The following SLC24A2 variants were observed in gnomAD, a reference collection of about 807,000 sequenced individuals.
The protein encoded by SLC24A2 is sodium/potassium/calcium exchanger 2.
A neutral mutation model predicts 62.0 loss-of-function variants in SLC24A2; 36 were observed. The ratio of observed to expected loss-of-function variants is 0.58; its 90% CI spans 0.44 to 0.77. The LOEUF (loss-of-function observed/expected upper bound fraction) is 0.77, where lower values mean the gene tolerates loss of function less well. Ranked by LOEUF, SLC24A2 falls within the 30% of genes least tolerant of loss-of-function variation. The pLI is 0.00. For missense variants in SLC24A2, 846 were observed against 817.9 expected (o/e 1.03, Z -0.42); for synonymous variants, 358 against 294.0 (o/e 1.22, Z -2.23).
the SLC24A2 span, among the ~76,000 whole-genome samples, chr9:19,972,382 A>C: frequency 6.6e-6 from 1 of 152,100 alleles, no homozygotes; most frequent in Non-Finnish European, 1.5e-5. Flanking sequence ...TCTGGGTTTA[A>C]TTTTACTGAA....
chr9:19,843,354 G>A, the SLC24A2 span, among the ~76,000 whole-genome samples: 5 of 151,996 alleles, frequency 3.3e-5, no homozygotes, highest in South Asian at 6.2e-4. Context: ...ATACATACAC[G>A]CACACAAAGT....
In SLC24A2 at chr9:19,546,973, C is replaced by G. The variant is rs549721626; in HGVS notation, c.1479+3164G>C. On this transcript the variant is annotated intron_variant, in intron 8 of 10. Transcript: ENST00000341998. ...GACCCCTTGCACTTCCTGGGTGAGGCGACACCCCACACCCCACCTTAGCTG... is the reference window on the plus strand; with the variant it reads ...GACCCCTTGCACTTCCTGGGTGAGGGGACACCCCACACCCCACCTTAGCTG... Among the ~76,000 whole-genome samples the G allele has an allele frequency of 5.9e-5, 9 of 151,890 alleles. No homozygotes were observed. In the South Asian group the frequency reaches 1.0e-3, roughly 18 times the overall value.
the SLC24A2 span, among the ~76,000 whole-genome samples, chr9:19,916,935 T>C: frequency 2.0e-5 from 3 of 151,102 alleles, no homozygotes; most frequent in Non-Finnish European, 3.0e-5. Context: ...CCTAATGAGT[T>C]ATATGAATTC....
chr9:20,210,531 T>C, the SLC24A2 span, among the ~76,000 whole-genome samples: 1 of 150,720 alleles, frequency 6.6e-6, no homozygotes, highest in South Asian at 2.1e-4. Flanking sequence ...TGGAGTGTAG[T>C]GGCGCGATCT....
the SLC24A2 span, among the ~76,000 whole-genome samples, chr9:20,086,310 C>A: frequency 1.6e-3 from 242 of 152,276 alleles, no homozygotes; most frequent in Non-Finnish European, 2.0e-3. Flanking sequence ...GCCCGTATTT[C>A]CAGTGCACCT....
At chr9:20,133,375 A>C in the SLC24A2 span, among the ~76,000 whole-genome samples, 5 of 152,162 alleles carry the variant, frequency 3.3e-5, no homozygotes, top group Non-Finnish European at 5.9e-5. Context: ...GCAAACTTAC[A>C]AACAATATAA....
chr9:19,560,128 A>G (rs1454593021), intron 7 of SLC24A2, among the ~76,000 whole-genome samples: 1 of 152,204 alleles, frequency 6.6e-6, no homozygotes, highest in Non-Finnish European at 1.5e-5. Flanking sequence ...GGCTGAGGAT[A>G]AAGCATCATT....
chr9:19,990,205 T>C, the SLC24A2 span, among the ~76,000 whole-genome samples: 1 of 152,146 alleles, frequency 6.6e-6, no homozygotes, highest in Admixed American at 6.5e-5. Flanking sequence ...AAACTGGGGC[T>C]TAGGAGGATT....
the SLC24A2 span, among the ~76,000 whole-genome samples, chr9:20,012,214 G>T: frequency 1.3e-5 from 2 of 152,156 alleles, no homozygotes; most frequent in African/African-American, 4.8e-5. Flanking sequence ...AAAAGAAAGA[G>T]GTTTACTGGA....
chr9:19,738,787 GA>G (rs572161686), intron 2 of SLC24A2, among the ~76,000 whole-genome samples: 14 of 152,014 alleles, frequency 9.2e-5, no homozygotes, highest in Admixed American at 9.2e-4. Context: ...AACAGAAGAT[GA>G]AAAAATTAAA....
the SLC24A2 span, among the ~76,000 whole-genome samples, chr9:20,135,049 C>T: frequency 6.6e-6 from 1 of 152,120 alleles, no homozygotes; most frequent in African/African-American, 2.4e-5. Flanking sequence ...ATTAAGCAGA[C>T]ATCTTTTTAG....
chr9:19,558,732 T>C (rs1835235025), intron 7 of SLC24A2, among the ~76,000 whole-genome samples: 1 of 152,236 alleles, frequency 6.6e-6, no homozygotes, highest in Non-Finnish European at 1.5e-5. Flanking sequence ...AACAGCATCA[T>C]CTTTAAACAA....
At chr9:20,032,978 C>G in the SLC24A2 span, among the ~76,000 whole-genome samples, 1 of 152,142 alleles carries the variant, frequency 6.6e-6, no homozygotes, top group Non-Finnish European at 1.5e-5. Context: ...CTTTTGGGGT[C>G]AAAAATACCT....
the SLC24A2 span, among the ~76,000 whole-genome samples, chr9:20,063,154 A>AG: frequency 4.8e-5 from 7 of 145,060 alleles, no homozygotes; most frequent in African/African-American, 1.8e-4. Flanking sequence ...ATATACCCAA[A>AG]GGACTATAAA....
chr9:19,855,399 C>T, the SLC24A2 span, among the ~76,000 whole-genome samples: 1 of 151,948 alleles, frequency 6.6e-6, no homozygotes, highest in African/African-American at 2.4e-5. Flanking sequence ...GGTCTGTGTA[C>T]TTGAGTGTGT....
At chr9:19,952,240 A>C in the SLC24A2 span, among the ~76,000 whole-genome samples, 2 of 152,116 alleles carry the variant, frequency 1.3e-5, no homozygotes, top group African/African-American at 4.8e-5. Flanking sequence ...CTCTTCATAC[A>C]TAAATATGTT....
At chr9:20,103,694 C>T in the SLC24A2 span, among the ~76,000 whole-genome samples, 5 of 152,162 alleles carry the variant, frequency 3.3e-5, no homozygotes, top group Admixed American at 6.5e-5. Context: ...AAAAAACCCA[C>T]CTGTACATCA....
At chr9:19,673,572 C>T (rs1464537751) in intron 2 of SLC24A2, among the ~76,000 whole-genome samples, 1 of 152,182 alleles carries the variant, frequency 6.6e-6, no homozygotes, top group Non-Finnish European at 1.5e-5. Context: ...CCTCACCCTC[C>T]AGAATAGCTG....
intron 2 of SLC24A2, among the ~76,000 whole-genome samples, chr9:19,768,848 T>C (rs1308588840): frequency 6.6e-6 from 1 of 152,196 alleles, no homozygotes; most frequent in East Asian, 1.9e-4. Context: ...CCTCAGTAGC[T>C]GCACCTCCCA....
Sources: gnomAD v4.1 joint callset for allele counts (sites outside exome capture counted in the v4.1 genomes callset) on GRCh38, gnomAD v4.1.1 for gene constraint, MANE v1.5 for transcripts, NCBI Gene and HGNC (gene_info 2026-07-23, HGNC 2026-07-21) for gene names.